The following VWC2 variants were observed in gnomAD, a reference collection of about 807,000 sequenced individuals.
The protein encoded by VWC2 is brorin.
A neutral mutation model predicts 29.8 loss-of-function variants in VWC2; 14 were observed. The ratio of observed to expected loss-of-function variants is 0.47; its 90% confidence interval spans 0.31 to 0.74. The LOEUF is 0.74. VWC2 is among the 30% of genes least tolerant of loss of function. The pLI, the probability that VWC2 is intolerant of heterozygous loss-of-function variation, is 0.05. For synonymous variants in VWC2, 213 were observed against 199.0 expected (o/e 1.07, Z -0.59); for missense variants, 457 against 459.8 (o/e 0.99, Z 0.05).
chr7:49,903,685 T>C (rs953107594), intron 3 of VWC2, among the ~76,000 whole-genome samples: 1 of 152,164 alleles, frequency 6.6e-6, no homozygotes. Flanking sequence ...TCAAATAACA[T>C]AGACGTATAT....
At chr7:49,784,631 G>A (rs573967905) in intron 2 of VWC2, among the ~76,000 whole-genome samples, 1 of 152,358 alleles carries the variant, frequency 6.6e-6, no homozygotes, top group East Asian at 1.9e-4. Flanking sequence ...ATGGGCCTTG[G>A]CTCTGTCCAG....
chr7:49,905,363 C>T (rs1054848970), intron 3 of VWC2, among the ~76,000 whole-genome samples: 10 of 152,160 alleles, frequency 6.6e-5, no homozygotes, highest in African/African-American at 2.2e-4. Context: ...CTTTTACTCA[C>T]GCTGTGAAAG....
chr7:49,791,590 T>A (rs1052950094), intron 2 of VWC2, among the ~76,000 whole-genome samples: 1 of 152,218 alleles, frequency 6.6e-6, no homozygotes, highest in Admixed American at 6.5e-5. Context: ...TGATCACTTC[T>A]GGGAAGTGAC....
intron 3 of VWC2, among the ~76,000 whole-genome samples, chr7:49,835,538 A>G (rs1188056623): frequency 6.6e-6 from 1 of 152,212 alleles, no homozygotes; most frequent in Non-Finnish European, 1.5e-5. Context: ...GTATAAACTG[A>G]GCTCAACTTC....
chr7:49,879,835 TC>T (rs1280083139), intron 3 of VWC2, among the ~76,000 whole-genome samples: 2 of 152,192 alleles, frequency 1.3e-5, no homozygotes, highest in African/African-American at 4.8e-5. Flanking sequence ...TTTTCTCATT[TC>T]CCTTTTTATG....
chr7:49,841,388 CA>C (rs1337389724), intron 3 of VWC2, among the ~76,000 whole-genome samples: 1 of 150,452 alleles, frequency 6.6e-6, no homozygotes, highest in Non-Finnish European at 1.5e-5. Flanking sequence ...TGTAGGCAAG[CA>C]AAAAGAAACA....
intron 3 of VWC2, among the ~76,000 whole-genome samples, chr7:49,904,981 AC>A (rs1352007755): frequency 6.6e-6 from 1 of 151,730 alleles, no homozygotes; most frequent in African/African-American, 2.4e-5. Flanking sequence ...TAATCTACCC[AC>A]CTCAGCCTCC....
chr7:49,815,434 T>TA (rs939202889), intron 3 of VWC2, among the ~76,000 whole-genome samples: 24 of 152,330 alleles, frequency 1.6e-4, no homozygotes, highest in Admixed American at 1.6e-3. Flanking sequence ...CATGTTGTTT[T>TA]AAAAAAGGTT....
At chr7:49,775,270 G>T in intron 1 of VWC2, 63 bp from the exon 2 acceptor site, 1 of 328,258 alleles carries the variant, frequency 3.0e-6, no homozygotes, top group Non-Finnish European at 5.3e-6. Context: ...CCGGGTGGGG[G>T]CCGCGGCGGG....
chr7:49,786,630 C>A (rs1219963927), intron 2 of VWC2, among the ~76,000 whole-genome samples: 3 of 152,194 alleles, frequency 2.0e-5, no homozygotes, highest in African/African-American at 7.2e-5. Context: ...TTCTCTGCAG[C>A]CTCACAAGCA....
At chr7:49,864,338 C>A (rs375359269) in intron 3 of VWC2, among the ~76,000 whole-genome samples, 9 of 152,302 alleles carry the variant, frequency 5.9e-5, no homozygotes, top group Admixed American at 4.6e-4. Context: ...CCTTCCTTCA[C>A]CCCTTAACTG....
chr7:49,820,390 C>T (rs1290109079), intron 3 of VWC2, among the ~76,000 whole-genome samples: 1 of 151,756 alleles, frequency 6.6e-6, no homozygotes, highest in Non-Finnish European at 1.5e-5. Context: ...GTAATGAAAG[C>T]CTGAAGGAAG....
intron 3 of VWC2, among the ~76,000 whole-genome samples, chr7:49,815,391 C>A (rs1789112858): frequency 6.6e-6 from 1 of 152,074 alleles, no homozygotes; most frequent in East Asian, 1.9e-4. Flanking sequence ...AGGTTGACAT[C>A]TTAGGATATT....
chr7:49,797,640 T>C (rs1788624243), intron 2 of VWC2, among the ~76,000 whole-genome samples: 1 of 152,194 alleles, frequency 6.6e-6, no homozygotes, highest in Non-Finnish European at 1.5e-5. Context: ...TGCTGTTATC[T>C]GTATTCTCAC....
intron 3 of VWC2, among the ~76,000 whole-genome samples, chr7:49,898,395 A>T (rs1230821792): frequency 6.6e-6 from 1 of 151,954 alleles, no homozygotes; most frequent in Non-Finnish European, 1.5e-5. Flanking sequence ...TCTTACCCAT[A>T]CAATTTTCTT....
At chr7:49,793,068 T>C (rs1477500749) in intron 2 of VWC2, among the ~76,000 whole-genome samples, 1 of 152,196 alleles carries the variant, frequency 6.6e-6, no homozygotes, top group Non-Finnish European at 1.5e-5. Flanking sequence ...CTCTCTGTCT[T>C]TGCTTTCTTA....
chr7:49,836,996 C>G (rs971016340), intron 3 of VWC2, among the ~76,000 whole-genome samples: 5 of 152,184 alleles, frequency 3.3e-5, no homozygotes, highest in Non-Finnish European at 7.3e-5. Context: ...TATATAGTCA[C>G]TAAATGCTTG....
chr7:49,857,066 TAAC>T (rs1790456753), intron 3 of VWC2, among the ~76,000 whole-genome samples: 1 of 143,166 alleles, frequency 7.0e-6, no homozygotes, highest in South Asian at 2.2e-4. Context: ...TCTACCTTCT[TAAC>T]AAATTTTTAG....
At chr7:49,821,346 G>A (rs1031671524) in intron 3 of VWC2, among the ~76,000 whole-genome samples, 1 of 152,188 alleles carries the variant, frequency 6.6e-6, no homozygotes, top group African/African-American at 2.4e-5. Context: ...ACAGTAAGAA[G>A]AGGATCTCAA....
Sources: gnomAD v4.1 joint callset for allele counts (sites outside exome capture counted in the v4.1 genomes callset) on GRCh38, gnomAD v4.1.1 for gene constraint, MANE v1.5 for transcripts, NCBI Gene and HGNC (gene_info 2026-07-23, HGNC 2026-07-21) for gene names.